The following CPNE4 variants were observed in gnomAD, a reference collection of about 807,000 sequenced individuals.
CPNE4 encodes copine-4.
In CPNE4, 25 loss-of-function variants were observed where a neutral mutation model predicts 67.9. The observed-to-expected ratio is 0.37, with a 90% CI of 0.27 to 0.51. The LOEUF is 0.51. CPNE4 is among the 20% of genes least tolerant of loss of function. The pLI, the probability that CPNE4 is intolerant of heterozygous loss-of-function variation, is 0.93. For synonymous variants in CPNE4, 242 were observed against 244.9 expected, an observed-to-expected ratio of 0.99 and a Z score of 0.11; for missense variants, 464 against 690.8, an observed-to-expected ratio of 0.67 and a Z score of 3.68.
intron 2 of CPNE4, among the ~76,000 whole-genome samples, chr3:131,862,651 G>T (rs12637005): frequency 0.077 from 11,612 of 151,400 alleles, 575 homozygotes; most frequent in East Asian, 0.17. Flanking sequence ...TCTCCCGTCC[G>T]ACCAGAAAAT....
At chr3:131,808,666 T>C (rs1334792785) in intron 2 of CPNE4, among the ~76,000 whole-genome samples, 2 of 152,192 alleles carry the variant, frequency 1.3e-5, no homozygotes, top group African/African-American at 4.8e-5. Context: ...CTGTTTCATG[T>C]GTTATTTGTG....
intron 1 of CPNE4, among the ~76,000 whole-genome samples, chr3:132,008,771 A>C (rs1457445312): frequency 6.6e-6 from 1 of 152,198 alleles, no homozygotes; most frequent in East Asian, 1.9e-4. Context: ...TCTTAAAAAA[A>C]TCCCATAAAA....
At chr3:131,749,153 C>T (rs949426575) in intron 2 of CPNE4, among the ~76,000 whole-genome samples, 2 of 152,116 alleles carry the variant, frequency 1.3e-5, no homozygotes, top group African/African-American at 2.4e-5. Flanking sequence ...TCATTCACTT[C>T]AATGTATTTT....
chr3:131,759,667 A>G (rs1004664849), intron 2 of CPNE4, among the ~76,000 whole-genome samples: 1 of 152,204 alleles, frequency 6.6e-6, no homozygotes, highest in Non-Finnish European at 1.5e-5. Context: ...CTGATGTTGT[A>G]CTTACCAGGC....
At chr3:131,978,815 G>A (rs73208125) in intron 1 of CPNE4, among the ~76,000 whole-genome samples, 11,053 of 151,172 alleles carry the variant, frequency 0.073, 424 homozygotes, top group East Asian at 0.14. Context: ...AATTCTTTTT[G>A]ATGTAGGCCT....
chr3:131,961,681 C>A (rs1471163233), intron 1 of CPNE4, among the ~76,000 whole-genome samples: 1 of 152,190 alleles, frequency 6.6e-6, no homozygotes, highest in Admixed American at 6.5e-5. Context: ...TTAAGATCCA[C>A]ACCTAGAGGA....
At chr3:131,771,308 G>A (rs925517340) in intron 2 of CPNE4, among the ~76,000 whole-genome samples, 6 of 152,094 alleles carry the variant, frequency 3.9e-5, no homozygotes, top group Non-Finnish European at 5.9e-5. Flanking sequence ...TTTTGTCACT[G>A]TTATAGTTGG....
intron 7 of CPNE4, among the ~76,000 whole-genome samples, chr3:131,611,555 A>G (rs1375728213): frequency 6.6e-6 from 1 of 151,986 alleles, no homozygotes; most frequent in African/African-American, 2.4e-5. Flanking sequence ...TGGTTGCTAC[A>G]CCTTGAGATT....
chr3:131,645,992 T>C (rs934548933), intron 7 of CPNE4, among the ~76,000 whole-genome samples: 16 of 152,158 alleles, frequency 1.1e-4, no homozygotes, highest in Non-Finnish European at 2.2e-4. Context: ...TGTTGCATAG[T>C]ATCCAATTTC....
chr3:131,936,421 T>G (rs1380420810), intron 1 of CPNE4, among the ~76,000 whole-genome samples: 1 of 151,988 alleles, frequency 6.6e-6, no homozygotes, highest in Non-Finnish European at 1.5e-5. Context: ...TAAATCTGGT[T>G]GAGAGAAGAT....
rs192160463 is a variant in CPNE4 at position 131,936,074 on chromosome 3, G to A, written c.-1-30630C>T. 3.4e-4 allele frequency among the ~76,000 whole-genome samples: 51 copies of A among 151,790 alleles called. No individual in the cohort carries two copies. In the East Asian group the frequency reaches 4.1e-3, roughly 12 times the overall value. On this transcript the variant is annotated intron_variant, in intron 1 of 15. Coordinates refer to ENST00000429747, the MANE Select transcript of CPNE4 (RefSeq NM_130808.3). Reference sequence around the variant, plus strand: ...CTTCAGGGCTTCTGATATGCTCATTGATGCATAAATCAACACTTTTGTTCT... The same window carrying A: ...CTTCAGGGCTTCTGATATGCTCATTAATGCATAAATCAACACTTTTGTTCT...
At chr3:131,551,025 T>C (rs73874116) in intron 13 of CPNE4, among the ~76,000 whole-genome samples, 25,746 of 152,012 alleles carry the variant, frequency 0.17, 2,407 homozygotes, top group African/African-American at 0.26. Flanking sequence ...CCTGTGTTAT[T>C]GCTTGCCTTC....
At chr3:131,649,841 A>G (rs2079763247) in intron 7 of CPNE4, among the ~76,000 whole-genome samples, 1 of 152,332 alleles carries the variant, frequency 6.6e-6, no homozygotes, top group East Asian at 1.9e-4. Context: ...AAGAAGGCCC[A>G]TTTGTTATCT....
chr3:131,842,115 A>G (rs1258804805), intron 2 of CPNE4, among the ~76,000 whole-genome samples: 1 of 152,234 alleles, frequency 6.6e-6, no homozygotes, highest in African/African-American at 2.4e-5. Context: ...GTCTACCACA[A>G]AACAGAAATG....
At chr3:131,978,496 T>A (rs1318238816) in intron 1 of CPNE4, among the ~76,000 whole-genome samples, 14 of 64,656 alleles carry the variant, frequency 2.2e-4, no homozygotes, top group African/African-American at 1.0e-3. Flanking sequence ...TTATATATAT[T>A]TATATATTTA....
chr3:131,995,782 T>C (rs1197703990), intron 1 of CPNE4, among the ~76,000 whole-genome samples: 1 of 152,188 alleles, frequency 6.6e-6, no homozygotes, highest in Admixed American at 6.5e-5. Flanking sequence ...GTCTCACAAG[T>C]CTATTATCTC....
intron 2 of CPNE4, among the ~76,000 whole-genome samples, chr3:131,858,026 A>G (rs942542552): frequency 2.0e-5 from 3 of 152,094 alleles, no homozygotes; most frequent in Non-Finnish European, 4.4e-5. Context: ...TAGAATAACC[A>G]TATATATATT....
chr3:132,012,847 G>T (rs1001451142), intron 1 of CPNE4, among the ~76,000 whole-genome samples: 1 of 152,170 alleles, frequency 6.6e-6, no homozygotes, highest in African/African-American at 2.4e-5. Context: ...TGCTAGTCAG[G>T]TGGTCTCCTT....
intron 1 of CPNE4, among the ~76,000 whole-genome samples, chr3:131,971,776 CT>C (rs1484196561): frequency 1.3e-5 from 2 of 152,170 alleles, no homozygotes; most frequent in Non-Finnish European, 2.9e-5. Context: ...TGCCCTTCAG[CT>C]TCCAAGTCAC....
Sources: gnomAD v4.1 joint callset for allele counts (sites outside exome capture counted in the v4.1 genomes callset) on GRCh38, gnomAD v4.1.1 for gene constraint, MANE v1.5 for transcripts, NCBI Gene and HGNC (gene_info 2026-07-23, HGNC 2026-07-21) for gene names.